The following LPP variants were observed in gnomAD, a reference collection of about 807,000 sequenced individuals.
LPP encodes lipoma-preferred partner.
In LPP, 38 loss-of-function variants were observed where a neutral mutation model predicts 60.4. The observed-to-expected ratio is 0.63, with a 90% CI of 0.49 to 0.83. The LOEUF (loss-of-function observed/expected upper bound fraction) is 0.83, where lower values mean the gene tolerates loss of function less well. LPP is among the 40% of genes least tolerant of loss of function. The pLI, the probability that LPP is intolerant of heterozygous loss-of-function variation, is 0.00. For synonymous variants in LPP, 328 were observed against 290.8 expected, an observed-to-expected ratio of 1.13 and a Z score of -1.30; for missense variants, 902 against 783.6, an observed-to-expected ratio of 1.15 and a Z score of -1.80.
At chr3:188,713,232 T>C (rs1712335036) in intron 8 of LPP, among the ~76,000 whole-genome samples, 1 of 152,082 alleles carries the variant, frequency 6.6e-6, no homozygotes, top group Non-Finnish European at 1.5e-5. Flanking sequence ...TATCCAACCA[T>C]GAGGAAGTAA....
intron 8 of LPP, among the ~76,000 whole-genome samples, chr3:188,754,601 A>G (rs996880711): frequency 6.6e-6 from 1 of 152,162 alleles, no homozygotes; most frequent in African/African-American, 2.4e-5. Flanking sequence ...CTCTCCTGTA[A>G]TATCCCACCT....
chr3:188,491,553 A>ACAGTAGCAG (rs2149755326), intron 5 of LPP, among the ~76,000 whole-genome samples: 1 of 152,322 alleles, frequency 6.6e-6, no homozygotes, highest in South Asian at 2.1e-4. Flanking sequence ...CCTGACAGCA[A>ACAGTAGCAG]CAGTAGCAGC....
chr3:188,645,820 AC>A, intron 7 of LPP, among the ~76,000 whole-genome samples: 1 of 151,976 alleles, frequency 6.6e-6, no homozygotes, highest in African/African-American at 2.4e-5. Flanking sequence ...AAAAAAAAAA[AC>A]AGAAAATAAA....
chr3:188,821,985 G>A (rs868661761), intron 9 of LPP, among the ~76,000 whole-genome samples: 1 of 152,052 alleles, frequency 6.6e-6, no homozygotes, highest in Non-Finnish European at 1.5e-5. Context: ...GAAAATGGTA[G>A]CCCCCTAAGA....
chr3:188,406,259 C>G lies in LPP; in HGVS notation c.139C>G (p.Pro47Ala). The change falls in exon 4 of 12, where the codon CCG becomes GCG. Residue 47 changes from proline (P) to alanine (A), a missense_variant. Transcript: ENST00000617246. Reference protein sequence around the residue: ...STQQPPKKFAPVVAPKPKYNP... With the variant: ...STQQPPKKFAAVVAPKPKYNP... Reference sequence around the variant, plus strand: ...ACAACAGCCACCCAAAAAGTTTGCCCCGGTAGTTGCTCCAAAACCTAAGTA... The same window carrying G: ...ACAACAGCCACCCAAAAAGTTTGCCGCGGTAGTTGCTCCAAAACCTAAGTA... 6 of 1,614,110 alleles carry G rather than the reference C, an allele frequency of 3.7e-6. No individual in the cohort carries two copies. Among genetic ancestry groups the G allele is most frequent in the Non-Finnish European group, 5.1e-6 (6 of 1,180,002 alleles).
intron 7 of LPP, among the ~76,000 whole-genome samples, chr3:188,663,658 A>G (rs566449779): frequency 7.2e-5 from 11 of 152,330 alleles, no homozygotes; most frequent in Non-Finnish European, 1.6e-4. Flanking sequence ...GGATTTTTTC[A>G]GGACTGTAAT....
chr3:188,517,276 A>G (rs1328596851), intron 5 of LPP, among the ~76,000 whole-genome samples: 2 of 152,224 alleles, frequency 1.3e-5, no homozygotes, highest in East Asian at 1.9e-4. Context: ...TATTAGGGAT[A>G]CTTTGAGGAA....
chr3:188,292,270 G>A, intron 2 of LPP, among the ~76,000 whole-genome samples: 1 of 152,160 alleles, frequency 6.6e-6, no homozygotes. Flanking sequence ...CAAACTGGAT[G>A]GGCATATTAC....
intron 2 of LPP, among the ~76,000 whole-genome samples, chr3:188,255,277 G>A (rs1428384097): frequency 2.6e-5 from 4 of 152,174 alleles, no homozygotes; most frequent in African/African-American, 9.7e-5. Flanking sequence ...AGATATAGGA[G>A]CTGTTCCATT....
chr3:188,829,037 C>T (rs536092048), intron 9 of LPP, among the ~76,000 whole-genome samples: 48 of 152,170 alleles, frequency 3.2e-4, no homozygotes, highest in African/African-American at 1.0e-3. Flanking sequence ...GACCACCTCT[C>T]ATTTATCTCT....
At chr3:188,417,319 T>C (rs968769301) in intron 4 of LPP, among the ~76,000 whole-genome samples, 7 of 152,070 alleles carry the variant, frequency 4.6e-5, no homozygotes, top group African/African-American at 1.7e-4. Flanking sequence ...GGATGTCCTC[T>C]AGGAGGAACT....
chr3:188,501,380 C>T (rs1458504865), intron 5 of LPP, among the ~76,000 whole-genome samples: 2 of 152,078 alleles, frequency 1.3e-5, no homozygotes, highest in Non-Finnish European at 2.9e-5. Context: ...TTTGGGAGGC[C>T]GAGGTGGGAG....
chr3:188,586,760 G>A (rs1292487199), intron 6 of LPP, among the ~76,000 whole-genome samples: 2 of 142,278 alleles, frequency 1.4e-5, no homozygotes, highest in African/African-American at 2.6e-5. Context: ...TTGGAGTCTC[G>A]CTCTGTCGCC....
At chr3:188,602,224 A>T (rs1417834455) in intron 6 of LPP, among the ~76,000 whole-genome samples, 1 of 134,034 alleles carries the variant, frequency 7.5e-6, no homozygotes, top group Non-Finnish European at 1.6e-5. Context: ...TTTCCAACTC[A>T]TGGGGTCATC....
intron 9 of LPP, among the ~76,000 whole-genome samples, chr3:188,790,566 C>T (rs1418956524): frequency 2.6e-5 from 4 of 152,078 alleles, no homozygotes; most frequent in Non-Finnish European, 5.9e-5. Flanking sequence ...CGCAGTGGCT[C>T]ACGCCTGTAA....
chr3:188,456,850 T>A (rs1417429494), intron 4 of LPP, among the ~76,000 whole-genome samples: 1 of 152,162 alleles, frequency 6.6e-6, no homozygotes, highest in Non-Finnish European at 1.5e-5. Context: ...TTAAGATTGC[T>A]ATATTGAGGC....
At chr3:188,723,054 G>T (rs1717088059) in intron 8 of LPP, among the ~76,000 whole-genome samples, 1 of 152,160 alleles carries the variant, frequency 6.6e-6, no homozygotes. Context: ...AACACACCAA[G>T]ATATACCACA....
intron 7 of LPP, among the ~76,000 whole-genome samples, chr3:188,670,641 C>T (rs1185672354): frequency 3.9e-5 from 6 of 152,132 alleles, no homozygotes; most frequent in African/African-American, 1.2e-4. Flanking sequence ...TTGGCACGCA[C>T]GTTACTTCCT....
intron 4 of LPP, among the ~76,000 whole-genome samples, chr3:188,473,810 G>C (rs1802461080): frequency 6.6e-6 from 1 of 152,156 alleles, no homozygotes; most frequent in South Asian, 2.1e-4. Flanking sequence ...CTTATCAACA[G>C]ATCTTTTATT....
Sources: allele counts gnomAD v4.1 joint callset (sites outside exome capture counted in the v4.1 genomes callset), GRCh38; gene constraint gnomAD v4.1.1; transcripts MANE v1.5; gene names NCBI Gene and HGNC (gene_info 2026-07-23, HGNC 2026-07-21).